MGAM2: variants seen among roughly 807,000 people sequenced by gnomAD.
MGAM2 encodes maltase-glucoamylase 2 (putative), also known as probable maltase-glucoamylase 2.
MGAM2 carries 98 observed loss-of-function variants against 96.1 expected under a neutral mutation model. That is an observed-to-expected ratio of 1.02 (90% CI 0.87 to 1.21). The LOEUF is 1.21. Ranked by LOEUF, MGAM2 falls within the 50% of genes most tolerant of loss-of-function variation. The pLI, the probability that MGAM2 is intolerant of heterozygous loss-of-function variation, is 0.00. For missense variants in MGAM2, 2,055 were observed against 1,182.4 expected, an observed-to-expected ratio of 1.74 and a Z score of -10.82; for synonymous variants, 749 against 414.8, an observed-to-expected ratio of 1.81 and a Z score of -9.79.
At chr7:142,149,899 C>G (rs1795517042) in intron 15 of MGAM2, among the ~76,000 whole-genome samples, 1 of 151,554 alleles carries the variant, frequency 6.6e-6, no homozygotes, top group African/African-American at 2.4e-5. Context: ...TACCTGTTTT[C>G]ACCTAATCTT....
In MGAM2 at chr7:142,148,978, G is replaced by A. The variant is rs1400397440; in HGVS notation, c.1634+1405G>A. 2.0e-5 allele frequency among the ~76,000 whole-genome samples: 3 copies of A among 152,268 alleles called. No individual in the cohort carries two copies. The highest frequency in any genetic ancestry group is 2.1e-4 in the South Asian group (1 of 4,820). The stretch of plus-strand genomic sequence containing the variant: ...GCGGTGGCTTACGTCTGTAATCCAA[G>A]CACTTTGGGAGGCTGAGGTGGGCAG... On this transcript the variant is annotated intron_variant, in intron 15 of 47. Transcript: ENST00000477922. The surrounding 1 kb of genome is among the most constrained non-coding windows in gnomAD (Gnocchi z 4.2).
At chr7:142,145,131 C>G (rs1795346914) in intron 14 of MGAM2, among the ~76,000 whole-genome samples, 186 bp downstream of exon 14, 1 of 152,134 alleles carries the variant, frequency 6.6e-6, no homozygotes, top group Non-Finnish European at 1.5e-5. Context: ...GCTGTCATAA[C>G]TCCAGGGCAA....
intron 6 of MGAM2, 116 bp from the exon 7 acceptor site, chr7:142,133,865 A>C (rs1315118272): frequency 2.0e-6 from 1 of 504,024 alleles, no homozygotes; most frequent in Non-Finnish European, 3.5e-6. Flanking sequence ...TAGCAAGAAA[A>C]TTGCTAACGC....
chr7:142,191,571 TCTCAA>T (rs1294450989), intron 37 of MGAM2, among the ~76,000 whole-genome samples: 1 of 152,130 alleles, frequency 6.6e-6, no homozygotes, highest in Non-Finnish European at 1.5e-5. Context: ...ATTTTTGCCT[TCTCAA>T]CTCTATTTCA....
Position 142,120,297 on chromosome 7 carries a change from T to G in MGAM2, c.107-5T>G. On this transcript the variant is annotated splice_region_variant and splice_polypyrimidine_tract_variant and intron_variant, in intron 2 of 47. Transcript: ENST00000477922. ...TTTCAACTTTATCCTTTAATTCCTA[T>G]GCAGATACTTCATTTACTCCAGAGT... 1.4e-6 allele frequency: 1 copy of G among 703,016 alleles called. No homozygotes were observed. The highest frequency in any genetic ancestry group is 2.7e-5 in the East Asian group (1 of 37,288). 43.5% of individuals were successfully genotyped at this position (703,016 alleles called of 1,614,324 possible).
In MGAM2 at chr7:142,164,955, A is replaced by G; in HGVS notation, c.2584A>G (p.Asn862Asp). 1.4e-6 allele frequency: 1 copy of G among 702,832 alleles called. No individual in the cohort carries two copies. The highest frequency in any genetic ancestry group is 2.6e-6 in the Non-Finnish European group (1 of 384,916). The allele number at this position is 702,832 out of a possible 1,614,324, so 43.5% of individuals were successfully genotyped here. A position where few individuals can be genotyped will look rare whatever the true frequency, so the allele number is the denominator to read the frequency against. ...TILGMDKQPANFIVLLNNVAT... is the reference protein window; with the variant it reads ...TILGMDKQPADFIVLLNNVAT... ...CTTGGGAATGGACAAACAGCCAGCTAATTTTATCGTCCTACTGAATAATGT... is the reference window on the plus strand; with the variant it reads ...CTTGGGAATGGACAAACAGCCAGCTGATTTTATCGTCCTACTGAATAATGT... Residue 862 changes from asparagine (N) to aspartate (D), a missense_variant, in exon 24 of 48, where the codon AAT becomes GAT. By Grantham distance (23) the Asn-to-Asp change is conservative (BLOSUM62 1). Coordinates refer to ENST00000477922, the MANE Select transcript of MGAM2 (RefSeq NM_001293626.2).
intron 26 of MGAM2, among the ~76,000 whole-genome samples, chr7:142,168,989 A>G (rs1796111842): frequency 2.0e-5 from 3 of 152,182 alleles, no homozygotes; most frequent in South Asian, 4.1e-4. Context: ...ATTTTAATGT[A>G]TCATGAATCA....
At position 142,130,945 on chromosome 7, in the gene MGAM2, C is replaced by T. The variant is rs969284204; in HGVS notation, c.187-3C>T. Reference sequence around the variant, plus strand: ...TACTGCTAACTCTGTGTCATTGTTACAGGATATCTGCAGATGGCAATATAA... The same window carrying T: ...TACTGCTAACTCTGTGTCATTGTTATAGGATATCTGCAGATGGCAATATAA... On this transcript the variant is annotated splice_region_variant and splice_polypyrimidine_tract_variant and intron_variant, in intron 3 of 47. Coordinates refer to ENST00000477922, the MANE Select transcript of MGAM2 (RefSeq NM_001293626.2). 1.0e-5 allele frequency: 7 copies of T among 702,466 alleles called. No individual in the cohort carries two copies. The African/African-American group carries it at 1.2e-4, about 12-fold the overall frequency. 43.5% of individuals were successfully genotyped at this position (702,466 alleles called of 1,614,324 possible). A position where few individuals can be genotyped will look rare whatever the true frequency, so the allele number is the denominator to read the frequency against.
chr7:142,161,389 A>G (rs1336985413), intron 22 of MGAM2, among the ~76,000 whole-genome samples, 176 bp downstream of exon 22: 1 of 152,234 alleles, frequency 6.6e-6, no homozygotes, highest in Admixed American at 6.5e-5. Flanking sequence ...ACAATGCATT[A>G]AAATAGACTT....
At chr7:142,142,116 C>T (rs976708632) in intron 12 of MGAM2, among the ~76,000 whole-genome samples, 1 of 152,096 alleles carries the variant, frequency 6.6e-6, no homozygotes, top group African/African-American at 2.4e-5. Flanking sequence ...AAAATCTGCC[C>T]ACTTAATTCC....
chr7:142,175,690 G>A lies in MGAM2; in HGVS notation c.3726G>A (p.Lys1242=). 1.4e-6 allele frequency: 1 copy of A among 702,836 alleles called. No homozygotes were observed. Among genetic ancestry groups the A allele is most frequent in the Non-Finnish European group, 2.6e-6 (1 of 384,974 alleles). 43.5% of individuals were successfully genotyped at this position (702,836 alleles called of 1,614,324 possible). A position where few individuals can be genotyped will look rare whatever the true frequency, so the allele number is the denominator to read the frequency against. ...QHVDIDYMNR[K]LDFTLSANFQ... ...TAGACATCGATTACATGAACCGGAA[G>A]CTGGATTTCACCCTCAGTGCCAACT... The change falls in exon 32 of 48, where the codon AAG becomes AAA. Residue 1242 remains lysine, a synonymous_variant. Coordinates refer to ENST00000477922, the MANE Select transcript of MGAM2 (RefSeq NM_001293626.2).
chr7:142,161,147 A>G lies in MGAM2; in HGVS notation c.2368A>G (p.Ile790Val), dbSNP rs573431704. 1 of 702,752 alleles carries G rather than the reference A, an allele frequency of 1.4e-6. No individual in the cohort carries two copies. Among genetic ancestry groups the G allele is most frequent in the Non-Finnish European group, 2.6e-6 (1 of 384,808 alleles). The allele number at this position is 702,752 out of a possible 1,614,324, so 43.5% of individuals were successfully genotyped here. The change falls in exon 22 of 48, where the codon ATC becomes GTC. Residue 790 changes from isoleucine to valine, a missense_variant. Ile to Val is a conservative substitution (Grantham distance 29). Coordinates refer to ENST00000477922, the MANE Select transcript of MGAM2 (RefSeq NM_001293626.2). ...CAGCCGGAGGAATTCCCTGGGACTC[A>G]TCATCGCCTTGGACTATAAGAGAGA... is the stretch of plus-strand genomic sequence containing the variant. Reference protein sequence around the residue: ...EASRRNSLGLIIALDYKREAK... With the variant: ...EASRRNSLGLVIALDYKREAK...
intron 31 of MGAM2, among the ~76,000 whole-genome samples, chr7:142,173,604 C>A (rs575474985): frequency 4.7e-4 from 72 of 152,228 alleles, no homozygotes; most frequent in Admixed American, 9.2e-4. Context: ...CTGGTTTATT[C>A]TTTTCCAAAT....
chr7:142,201,071 C>CTTTTTTTTTTTTTTTTTTTTTTTTT (rs72092512), intron 45 of MGAM2, among the ~76,000 whole-genome samples: 2 of 84,364 alleles, frequency 2.4e-5, no homozygotes, highest in African/African-American at 5.3e-5. Context: ...CATCCTTTTT[C>CTTTTTTTTTTTTTTTTTTTTTTTTT]TTTTTTTTTT....
intron 3 of MGAM2, 84 bp downstream of exon 3, chr7:142,120,465 T>G (rs771305518): frequency 1.6e-6 from 1 of 644,496 alleles, no homozygotes; most frequent in Non-Finnish European, 2.8e-6. Context: ...AGGGTGGGGG[T>G]GGCATGGCTT....
intron 17 of MGAM2, among the ~76,000 whole-genome samples, chr7:142,155,971 C>CTCTA (rs1028778080): frequency 6.6e-6 from 1 of 152,114 alleles, no homozygotes; most frequent in Non-Finnish European, 1.5e-5. Flanking sequence ...CATGGAGAAA[C>CTCTA]TCTATCTCTA....
intron 31 of MGAM2, among the ~76,000 whole-genome samples, chr7:142,173,923 A>G (rs1296400902): frequency 1.3e-5 from 2 of 152,188 alleles, no homozygotes; most frequent in African/African-American, 4.8e-5. Flanking sequence ...TGCACCATTT[A>G]TTGAATAAGG....
rs1386647798 is a variant in MGAM2, at chr7:142,116,938, T to C, written c.65T>C (p.Ile22Thr). The change falls in exon 2 of 48, where the codon ATA becomes ACA. Residue 22 changes from isoleucine to threonine, a missense_variant. By Grantham distance (89) the Ile-to-Thr change is moderately conservative (BLOSUM62 -1). Coordinates refer to ENST00000477922, the MANE Select transcript of MGAM2 (RefSeq NM_001293626.2). ...ATCTTCTGCTTAATTGTGGTGACCA[T>C]AGATATCCTCTTGCTGCTTCTTGTG... ...LIIFCLIVVT[I>T]DILLLLLVLE... 5 of 703,272 alleles carry C rather than the reference T, an allele frequency of 7.1e-6. No homozygotes were observed. The highest frequency in any genetic ancestry group is 2.0e-5 in the Admixed American group (1 of 49,994). The allele number at this position is 703,272 out of a possible 1,614,324, so 43.6% of individuals were successfully genotyped here.
At chr7:142,179,648 G>C (rs532715602) in intron 32 of MGAM2, among the ~76,000 whole-genome samples, 1 of 152,104 alleles carries the variant, frequency 6.6e-6, no homozygotes, top group Non-Finnish European at 1.5e-5. Context: ...TTTATATGGC[G>C]AATCACATTT....
Sources: allele counts gnomAD v4.1 joint callset (sites outside exome capture counted in the v4.1 genomes callset), GRCh38; gene constraint gnomAD v4.1.1; non-coding constraint Gnocchi (gnomAD v3.1); transcripts MANE v1.5; gene names NCBI Gene and HGNC (gene_info 2026-07-23, HGNC 2026-07-21).